CDC42BPA: variants seen among roughly 807,000 people sequenced by gnomAD.
The protein encoded by CDC42BPA is CDC42 binding protein kinase alpha.
A neutral mutation model predicts 223.5 loss-of-function variants in CDC42BPA; 80 were observed. The ratio of observed to expected loss-of-function variants is 0.36; its 90% CI spans 0.30 to 0.43. The LOEUF (loss-of-function observed/expected upper bound fraction) is 0.43. CDC42BPA is among the 20% of genes least tolerant of loss of function. The pLI is 1.00. For synonymous variants in CDC42BPA, 694 were observed against 718.6 expected, an observed-to-expected ratio of 0.97 and a Z score of 0.55; for missense variants, 1,743 against 2,099.9, an observed-to-expected ratio of 0.83 and a Z score of 3.32.
At chr1:227,091,368 C>G (rs981480039) in intron 16 of CDC42BPA, among the ~76,000 whole-genome samples, 3 of 152,056 alleles carry the variant, frequency 2.0e-5, no homozygotes, top group Admixed American at 6.6e-5. Context: ...TTAGCATCAT[C>G]CCCTTGGTGA....
chr1:227,128,041 G>C (rs2149496176), intron 11 of CDC42BPA, among the ~76,000 whole-genome samples: 1 of 152,132 alleles, frequency 6.6e-6, no homozygotes, highest in Non-Finnish European at 1.5e-5. Flanking sequence ...AAAAACCAAA[G>C]ACCTTACAAC....
chr1:227,076,422 A>G (rs1171488793), intron 17 of CDC42BPA, among the ~76,000 whole-genome samples: 2 of 151,956 alleles, frequency 1.3e-5, no homozygotes, highest in African/African-American at 4.8e-5. Flanking sequence ...ACGCCTGGCT[A>G]ATTTTTGTAT....
intron 5 of CDC42BPA, among the ~76,000 whole-genome samples, chr1:227,162,954 A>ATG (rs1664241456): frequency 6.7e-6 from 1 of 149,260 alleles, no homozygotes; most frequent in African/African-American, 2.5e-5. Context: ...CCAAACATAT[A>ATG]TGTTTCCAAA....
chr1:227,207,469 A>C (rs1179295294), intron 3 of CDC42BPA, among the ~76,000 whole-genome samples: 6 of 140,864 alleles, frequency 4.3e-5, no homozygotes, highest in South Asian at 2.4e-4. Flanking sequence ...CACCCACTAA[A>C]TCGTCATCTA....
chr1:227,281,350 G>A (rs1037680296), intron 1 of CDC42BPA, among the ~76,000 whole-genome samples: 3 of 124,636 alleles, frequency 2.4e-5, no homozygotes, highest in Admixed American at 1.0e-4. Flanking sequence ...AGACATGCCA[G>A]GGAAACTCCA....
chr1:227,011,098 T>G, intron 34 of CDC42BPA: 1 of 1,207,328 alleles, frequency 8.3e-7, no homozygotes, highest in South Asian at 1.4e-5. Flanking sequence ...AAAAAGGCAA[T>G]AAGGTGATGA....
chr1:227,100,844 C>T (rs1684927873), intron 15 of CDC42BPA, 148 bp downstream of exon 15: 1 of 530,184 alleles, frequency 1.9e-6, no homozygotes, highest in Non-Finnish European at 3.3e-6. Flanking sequence ...GCTTTTCTAT[C>T]ATGCTGTATT....
intron 7 of CDC42BPA, among the ~76,000 whole-genome samples, 158 bp downstream of exon 7, chr1:227,147,201 A>C (rs1205122088): frequency 1.3e-5 from 2 of 152,166 alleles, no homozygotes; most frequent in Non-Finnish European, 2.9e-5. Flanking sequence ...ATAACTTATG[A>C]ATAATTTATG....
chr1:227,003,496 C>T (rs1373925963), intron 35 of CDC42BPA, among the ~76,000 whole-genome samples: 1 of 152,228 alleles, frequency 6.6e-6, no homozygotes, highest in Non-Finnish European at 1.5e-5. Flanking sequence ...TGATAATCTA[C>T]AATCGCACTG....
intron 1 of CDC42BPA, among the ~76,000 whole-genome samples, chr1:227,287,347 A>G (rs1558959772): frequency 6.6e-6 from 1 of 152,194 alleles, no homozygotes; most frequent in Non-Finnish European, 1.5e-5. Flanking sequence ...GTGTTCTCAC[A>G]ATCCTAACTG....
intron 1 of CDC42BPA, among the ~76,000 whole-genome samples, chr1:227,276,636 G>T (rs1024146511): frequency 1.3e-5 from 2 of 152,234 alleles, no homozygotes; most frequent in South Asian, 2.1e-4. Flanking sequence ...TAATAGAAAG[G>T]GGGGAAATGT....
chr1:227,103,873 A>C (rs1685456955), intron 14 of CDC42BPA, among the ~76,000 whole-genome samples: 1 of 152,144 alleles, frequency 6.6e-6, no homozygotes, highest in Admixed American at 6.5e-5. Flanking sequence ...GCAGAATTAA[A>C]TACTTATCAA....
At chr1:227,141,054 A>G (rs553524322) in intron 9 of CDC42BPA, among the ~76,000 whole-genome samples, 59 of 152,322 alleles carry the variant, frequency 3.9e-4, no homozygotes, top group Admixed American at 1.1e-3. Flanking sequence ...TGGTATTTTA[A>G]AAGTATGGAG....
rs1178447691 is a variant in CDC42BPA at position 227,065,995 on chromosome 1, C to T, written c.2904+3782G>A. Reference sequence around the variant, plus strand: ...AAAAGAATGTCCAGAAGGATGTGTACTACTCATTAGAGCCTTACCGCAAAG... The same window carrying T: ...AAAAGAATGTCCAGAAGGATGTGTATTACTCATTAGAGCCTTACCGCAAAG... On this transcript the variant is annotated intron_variant, in intron 21 of 36. Transcript: ENST00000366766. 6.6e-5 allele frequency among the ~76,000 whole-genome samples: 10 copies of T among 152,294 alleles called. 2 individuals are homozygous for T. Among genetic ancestry groups the T allele is most frequent in the Admixed American group, 5.9e-4 (9 of 15,298 alleles).
At chr1:227,053,727 G>C (rs1395486124) in intron 21 of CDC42BPA, among the ~76,000 whole-genome samples, 1 of 152,040 alleles carries the variant, frequency 6.6e-6, no homozygotes, top group Non-Finnish European at 1.5e-5. Flanking sequence ...AGTAAATTTT[G>C]ACCAGGAAAA....
intron 10 of CDC42BPA, among the ~76,000 whole-genome samples, chr1:227,131,186 T>C (rs1273095163): frequency 6.6e-6 from 1 of 152,204 alleles, no homozygotes; most frequent in Non-Finnish European, 1.5e-5. Context: ...CTGAGGCACA[T>C]AAATCCCCTA....
In CDC42BPA at chr1:227,112,771, G is replaced by A. The variant is rs777682348; in HGVS notation, c.1790C>T (p.Ala597Val). 3.1e-6 allele frequency: 5 copies of A among 1,614,032 alleles called. No homozygotes were observed. Among genetic ancestry groups the A allele is most frequent in the Admixed American group, 3.3e-5 (2 of 59,996 alleles). The change falls in exon 13 of 37, where the codon GCT (alanine) becomes GTT (valine). Residue 597 changes from alanine to valine, a missense_variant. By Grantham distance (64) the Ala-to-Val change is moderately conservative (BLOSUM62 0). Transcript: ENST00000366766. The stretch of plus-strand genomic sequence containing the variant: ...TTCTTCCTTATCTCGGACATGGCGA[G>A]CAAGTTTCTGTTTTTGGGTGTGCAA... Reference protein sequence around the residue: ...TELHTQKQKLARHVRDKEEEV... With the variant: ...TELHTQKQKLVRHVRDKEEEV...
In CDC42BPA at chr1:227,031,510, G is replaced by C. The variant is rs554882432; in HGVS notation, c.3563C>G (p.Thr1188Arg). 2 of 1,612,818 alleles carry C rather than the reference G, an allele frequency of 1.2e-6. No homozygotes were observed. The highest frequency in any genetic ancestry group is 2.7e-5 in the African/African-American group (2 of 75,016). ...ATTAGATGCTGAGAGCTGGGAAGCT[G>C]TGACCTAGAACAATTTAATCAATAT... is the stretch of plus-strand genomic sequence containing the variant. The part of the protein sequence containing the change: ...RKDIPCIFRV[T>R]ASQLSASNNK... The change falls in exon 28 of 37, where the codon ACA (threonine) becomes AGA (arginine). Residue 1188 changes from threonine (T) to arginine (R), a missense_variant. Physicochemically the swap from Thr to Arg is moderately conservative, Grantham distance 71. This residue lies in a region of CDC42BPA where 678 missense variants were observed against 777.5 expected (regional missense o/e 0.87). Transcript: ENST00000366766.
At chr1:227,015,569 T>C (rs1666045526) in intron 34 of CDC42BPA, among the ~76,000 whole-genome samples, 2 of 152,206 alleles carry the variant, frequency 1.3e-5, no homozygotes, top group African/African-American at 4.8e-5. Context: ...TTATACTTTT[T>C]CACGTACAAC....
Sources: allele counts gnomAD v4.1 joint callset (sites outside exome capture counted in the v4.1 genomes callset), GRCh38; gene constraint gnomAD v4.1.1; regional missense constraint gnomAD v4.1.1; transcripts MANE v1.5; gene names NCBI Gene and HGNC (gene_info 2026-07-23, HGNC 2026-07-21).